SLCO4A1: variants seen among roughly 807,000 people sequenced by gnomAD.
SLCO4A1 encodes the protein solute carrier organic anion transporter family member 4A1, also known as colon organic anion transporter.
SLCO4A1 carries 51 observed loss-of-function variants against 64.6 expected under a neutral mutation model. The ratio of observed to expected loss-of-function variants is 0.79; its 90% CI spans 0.63 to 1.00. The LOEUF (loss-of-function observed/expected upper bound fraction) is 1.00, where lower values mean the gene tolerates loss of function less well. SLCO4A1 is among the 50% of genes least tolerant of loss of function. The probability of loss-of-function intolerance (pLI) is 0.00; values close to 1 mark genes in which losing one functional copy is unlikely to be tolerated. For missense variants in SLCO4A1, 919 were observed against 980.5 expected (o/e 0.94, Z 0.84); for synonymous variants, 471 against 444.9 (o/e 1.06, Z -0.74).
chr20:62,662,487 T>C (rs538188021), intron 5 of SLCO4A1, among the ~76,000 whole-genome samples: 125 of 152,352 alleles, frequency 8.2e-4, no homozygotes, highest in African/African-American at 2.0e-3. Flanking sequence ...AGGAGGTTTA[T>C]GTCCAGGGTT....
At chr20:62,660,919 CG>C in intron 4 of SLCO4A1, 144 bp from the exon 5 acceptor site, 1 of 633,634 alleles carries the variant, frequency 1.6e-6, no homozygotes, top group Non-Finnish European at 2.8e-6. Flanking sequence ...GCCGCCTCCC[CG>C]GGGCTGCGAG....
At chr20:62,646,993 C>T (rs1981456515) in intron 1 of SLCO4A1, among the ~76,000 whole-genome samples, 2 of 152,250 alleles carry the variant, frequency 1.3e-5, no homozygotes, top group African/African-American at 4.8e-5. Context: ...GCTGCCGCAC[C>T]CTGGCTCCCT....
intron 5 of SLCO4A1, chr20:62,663,429 A>T (rs1202831884): frequency 6.6e-6 from 1 of 152,222 alleles, no homozygotes; most frequent in Non-Finnish European, 1.5e-5. Context: ...GAGAGGCTGG[A>T]AAGTGTAGGT....
rs1437999748 is a variant in SLCO4A1, at chr20:62,661,025, C to CCCCAGCT, written c.1010-33_1010-32insTCCCAGC. ...CTCGGAGAAGTCCACCTCCGGGAGC[C>CCCCAGCT]CCCAGCCCCCAGCCCCAGCTCACTC... On this transcript the variant is annotated intron_variant, in intron 4 of 11. Transcript: ENST00000217159. This position sits in a 1 kb window ranked among gnomAD's most constrained non-coding sequence, Gnocchi z 5.2. 1 of 726,350 alleles carries CCCCAGCT rather than the reference C, an allele frequency of 1.4e-6. No homozygotes were observed. Among genetic ancestry groups the CCCCAGCT allele is most frequent in the African/African-American group, 1.6e-5 (1 of 60,624 alleles). The allele number at this position is 726,350 out of a possible 1,614,324, so 45.0% of individuals were successfully genotyped here.
At chr20:62,680,179 T>C (rs1011278231) in intron 2 of SLCO4A1, among the ~76,000 whole-genome samples, 3 of 152,228 alleles carry the variant, frequency 2.0e-5, no homozygotes, top group African/African-American at 7.2e-5. Context: ...CCCAGTGCCC[T>C]CTGCTGGTGT....
chr20:62,665,182 C>A, intron 6 of SLCO4A1, 94 bp downstream of exon 6: 1 of 1,413,646 alleles, frequency 7.1e-7, no homozygotes, highest in Non-Finnish European at 9.5e-7. Context: ...CCAGACAGGG[C>A]ACATGGCAGT....
chr20:62,673,157 AGGGGCATGGGG>A (rs531661613), downstream of SLCO4A1, among the ~76,000 whole-genome samples: 127 of 138,774 alleles, frequency 9.2e-4, 6 homozygotes, highest in African/African-American at 3.0e-3. Flanking sequence ...TGGGCCAGGG[AGGGGCATGGGG>A]GGGGCACAGA....
At chr20:62,658,640 G>C (rs1459149784) in intron 2 of SLCO4A1, 37 bp from the exon 3 acceptor site, 3 of 1,549,300 alleles carry the variant, frequency 1.9e-6, no homozygotes, top group East Asian at 2.3e-5. Flanking sequence ...CCCCTGGGTG[G>C]TGCACAGCGG....
At chr20:62,680,967 T>C (rs1987798223) in intron 2 of SLCO4A1, among the ~76,000 whole-genome samples, 1 of 152,198 alleles carries the variant, frequency 6.6e-6, no homozygotes, top group Admixed American at 6.5e-5. Flanking sequence ...CACGGTGGCA[T>C]GAACACGCCT....
intron 7 of SLCO4A1, among the ~76,000 whole-genome samples, chr20:62,667,192 G>T (rs1359219616): frequency 6.6e-6 from 1 of 152,252 alleles, no homozygotes; most frequent in Admixed American, 6.5e-5. Flanking sequence ...AGTGGAGGAA[G>T]CTCATCCTGG....
downstream of SLCO4A1, among the ~76,000 whole-genome samples, chr20:62,675,755 C>A (rs746818240): frequency 7.9e-5 from 12 of 152,216 alleles, no homozygotes; most frequent in Non-Finnish European, 1.6e-4. Context: ...GCACATGGGC[C>A]CTGGATACGC....
intron 1 of SLCO4A1, among the ~76,000 whole-genome samples, chr20:62,655,719 C>T (rs1031714860): frequency 5.9e-5 from 9 of 152,180 alleles, no homozygotes; most frequent in African/African-American, 1.7e-4. Context: ...GCTTGGCGGC[C>T]GGGGGTGTTT....
downstream of SLCO4A1, among the ~76,000 whole-genome samples, chr20:62,690,478 G>A (rs1319479295): frequency 6.6e-6 from 1 of 152,178 alleles, no homozygotes; most frequent in African/African-American, 2.4e-5. Context: ...GCCCTCCACC[G>A]AGCCGCAGGC....
chr20:62,660,497 G>T lies in SLCO4A1; in HGVS notation c.973G>T (p.Ala325Ser). The change falls in exon 4 of 12, where the codon GCC becomes TCC. Residue 325 changes from alanine (A) to serine (S), a missense_variant. Transcript: ENST00000217159. Reference sequence around the variant, plus strand: ...CTCTGGGGCCGCTGCTTTCTTCACCGCCGTTCCCATCCTTGGTTACCCTCG... The same window carrying T: ...CTCTGGGGCCGCTGCTTTCTTCACCTCCGTTCCCATCCTTGGTTACCCTCG... ...LGSGAAAFFT[A>S]VPILGYPRQL... The T allele has an allele frequency of 1.9e-6, 3 of 1,605,450 alleles. No homozygotes were observed. Among genetic ancestry groups the T allele is most frequent in the Non-Finnish European group, 1.7e-6 (2 of 1,179,926 alleles).
At chr20:62,672,804 C>T (rs1987378791), downstream of SLCO4A1, among the ~76,000 whole-genome samples, 1 of 152,056 alleles carries the variant, frequency 6.6e-6, no homozygotes, top group African/African-American at 2.4e-5. Context: ...CTTAAGAGAC[C>T]TCTGCCATCC....
At chr20:62,679,039 T>C (rs949692689) in intron 2 of SLCO4A1, among the ~76,000 whole-genome samples, 14 of 152,128 alleles carry the variant, frequency 9.2e-5, no homozygotes, top group Non-Finnish European at 1.8e-4. Context: ...GCCAACATGA[T>C]GAAACCCCAT....
rs577673095 is a variant in SLCO4A1 at position 62,644,875 on chromosome 20, G to A, written c.-97+2322G>A. Reference sequence around the variant, plus strand: ...CACAGAAAAGCCAACGTGCAGCCTGGTGCTGGGGGCAGGAGGGAGCAGGGC... The same window carrying A: ...CACAGAAAAGCCAACGTGCAGCCTGATGCTGGGGGCAGGAGGGAGCAGGGC... On this transcript the variant is annotated intron_variant, in intron 1 of 11. Coordinates refer to ENST00000217159, the MANE Select transcript of SLCO4A1 (RefSeq NM_016354.4). This position sits in a 1 kb window ranked among gnomAD's most constrained non-coding sequence, Gnocchi z 5.4. Among the ~76,000 whole-genome samples the A allele has an allele frequency of 1.6e-4, 25 of 152,356 alleles. No individual in the cohort carries two copies. The South Asian group carries it at 4.3e-3, about 26-fold the overall frequency.
intron 6 of SLCO4A1, among the ~76,000 whole-genome samples, chr20:62,665,698 T>TGGCCC (rs1182058064): frequency 7.9e-5 from 12 of 152,084 alleles, no homozygotes; most frequent in African/African-American, 2.9e-4. Context: ...CATCCTGGCC[T>TGGCCC]GGCCCCTCTG....
At chr20:62,658,303 G>A (rs1442922478) in intron 2 of SLCO4A1, among the ~76,000 whole-genome samples, 2 of 152,242 alleles carry the variant, frequency 1.3e-5, no homozygotes, top group Non-Finnish European at 2.9e-5. Flanking sequence ...GCCTGTGGGA[G>A]AGTGAGCGTG....
Sources: allele counts gnomAD v4.1 joint callset (sites outside exome capture counted in the v4.1 genomes callset), GRCh38; gene constraint gnomAD v4.1.1; non-coding constraint Gnocchi (gnomAD v3.1); transcripts MANE v1.5; gene names NCBI Gene and HGNC (gene_info 2026-07-23, HGNC 2026-07-21).